STARD13: variants seen among roughly 807,000 people sequenced by gnomAD.
STARD13 encodes the protein StAR related lipid transfer domain containing 13.
A neutral mutation model predicts 106.4 loss-of-function variants in STARD13; 62 were observed. That is an observed-to-expected ratio of 0.58 (90% CI 0.48 to 0.72). STARD13 has a LOEUF of 0.72. Among genes scored for constraint, STARD13 ranks in the 30% least tolerant of loss-of-function variants. The pLI, the probability that STARD13 is intolerant of heterozygous loss-of-function variation, is 0.00. For synonymous variants in STARD13, 565 were observed against 553.0 expected, an observed-to-expected ratio of 1.02 and a Z score of -0.31; for missense variants, 1,387 against 1,424.0, an observed-to-expected ratio of 0.97 and a Z score of 0.42.
intron 1 of STARD13, chr13:33,180,642 C>T (rs768211302): frequency 2.6e-5 from 4 of 152,148 alleles, no homozygotes; most frequent in South Asian, 2.1e-4. Flanking sequence ...TCTCCCAGGT[C>T]GGCTTCCTAA....
intron 1 of STARD13, among the ~76,000 whole-genome samples, chr13:33,306,390 G>T (rs752543618): frequency 6.6e-5 from 10 of 152,042 alleles, no homozygotes; most frequent in Non-Finnish European, 1.2e-4. Flanking sequence ...GAAAATCTAG[G>T]CAATAACATT....
At chr13:33,186,860 C>G (rs1354222644) in intron 1 of STARD13, among the ~76,000 whole-genome samples, 1 of 152,150 alleles carries the variant, frequency 6.6e-6, no homozygotes, top group Non-Finnish European at 1.5e-5. Context: ...AATCCAGACA[C>G]CACCAAACTA....
At chr13:33,557,008 A>T in the STARD13 span, among the ~76,000 whole-genome samples, 2 of 152,188 alleles carry the variant, frequency 1.3e-5, no homozygotes, top group Non-Finnish European at 2.9e-5. Context: ...AGTTTGAAAA[A>T]AGCAGATTCA....
At chr13:33,411,157 T>G in the STARD13 span, among the ~76,000 whole-genome samples, 1 of 152,090 alleles carries the variant, frequency 6.6e-6, no homozygotes, top group Non-Finnish European at 1.5e-5. Flanking sequence ...TATTTCATTA[T>G]ACATAACTTA....
intron 1 of STARD13, among the ~76,000 whole-genome samples, chr13:33,198,492 C>G (rs774141693): frequency 1.3e-5 from 2 of 152,070 alleles, no homozygotes; most frequent in African/African-American, 2.4e-5. Context: ...CTCCAAGAGG[C>G]CTTCCTTAAT....
chr13:33,129,359 C>G lies in STARD13; in HGVS notation c.1318G>C (p.Gly440Arg), dbSNP rs767895675. The G allele has an allele frequency of 1.9e-6, 3 of 1,614,180 alleles. No homozygotes were observed. Among genetic ancestry groups the G allele is most frequent in the South Asian group, 2.2e-5 (2 of 91,082 alleles). ...GCCATGAGCCGGGGCTCCCTGGCAC[C>G]AGGGACCTGCTCTCTGCCCAGGGAG... ...SISLGREQVP[G>R]AREPRLMASC... The change falls in exon 5 of 14, where the codon GGT (glycine) becomes CGT (arginine). Residue 440 changes from glycine (G) to arginine (R), a missense_variant. Physicochemically the swap from Gly to Arg is moderately radical, Grantham distance 125. Transcript: ENST00000336934.
At chr13:33,273,371 T>C (rs1891255172) in intron 1 of STARD13, among the ~76,000 whole-genome samples, 1 of 152,196 alleles carries the variant, frequency 6.6e-6, no homozygotes, top group Non-Finnish European at 1.5e-5. Context: ...AAACAAGGTT[T>C]TTGCAAGGCT....
chr13:33,261,891 T>A (rs956302892), intron 1 of STARD13, among the ~76,000 whole-genome samples: 1 of 152,126 alleles, frequency 6.6e-6, no homozygotes, highest in Non-Finnish European at 1.5e-5. Context: ...GTTGCTTGGG[T>A]TCGGAAGGCA....
chr13:33,353,927 G>A (rs776749194), upstream of STARD13, among the ~76,000 whole-genome samples: 1 of 152,188 alleles, frequency 6.6e-6, no homozygotes, highest in Middle Eastern at 3.2e-3. Context: ...GCCTAAAACA[G>A]TCCCAGACAG....
At chr13:33,270,192 C>T (rs556975880) in intron 1 of STARD13, among the ~76,000 whole-genome samples, 14 of 152,218 alleles carry the variant, frequency 9.2e-5, no homozygotes, top group East Asian at 5.8e-4. Context: ...GCTGAGATCA[C>T]GCCATTGCAC....
At chr13:33,480,135 A>G in the STARD13 span, among the ~76,000 whole-genome samples, 1 of 152,214 alleles carries the variant, frequency 6.6e-6, no homozygotes, top group Non-Finnish European at 1.5e-5. Flanking sequence ...TATAACACAC[A>G]TATGCTATAT....
At chr13:33,532,019 T>G in the STARD13 span, among the ~76,000 whole-genome samples, 40 of 152,192 alleles carry the variant, frequency 2.6e-4, 1 homozygote, top group African/African-American at 9.7e-4. Flanking sequence ...GATTATATAC[T>G]ATTTTCTCTT....
chr13:33,129,959 G>C lies in STARD13; in HGVS notation c.718C>G (p.Leu240Val). Residue 240 changes from leucine to valine, a missense_variant, in exon 5 of 14, where the codon CTC becomes GTC. Physicochemically the swap from Leu to Val is conservative, Grantham distance 32. Coordinates refer to ENST00000336934, the MANE Select transcript of STARD13 (RefSeq NM_178006.4). Reference sequence around the variant, plus strand: ...TTCTTGGGGTGGAAGGGGTGGTTGAGGACATCTCTGGGGGGCTGTGGGAGG... The same window carrying C: ...TTCTTGGGGTGGAAGGGGTGGTTGACGACATCTCTGGGGGGCTGTGGGAGG... ...SSLPQPPRDV[L>V]NHPFHPKNEK... 6.2e-7 allele frequency: 1 copy of C among 1,613,452 alleles called. No homozygotes were observed. The highest frequency in any genetic ancestry group is 1.3e-5 in the African/African-American group (1 of 75,038).
intron 3 of STARD13, among the ~76,000 whole-genome samples, chr13:33,154,194 G>C (rs1259354235): frequency 1.3e-5 from 2 of 152,194 alleles, no homozygotes; most frequent in African/African-American, 4.8e-5. Flanking sequence ...GCAGGAAAAA[G>C]AAAGAGGACA....
At chr13:33,282,477 G>A (rs6561820) in intron 1 of STARD13, among the ~76,000 whole-genome samples, 2,835 of 152,006 alleles carry the variant, frequency 0.019, 68 homozygotes, top group African/African-American at 0.061. Context: ...TCATGTGCAC[G>A]CCATTCAATG....
chr13:33,236,670 C>G (rs1173829176), intron 1 of STARD13, among the ~76,000 whole-genome samples: 1 of 152,158 alleles, frequency 6.6e-6, no homozygotes, highest in East Asian at 1.9e-4. Context: ...TCCTTATTAT[C>G]TTGAGTCCTC....
intron 1 of STARD13, among the ~76,000 whole-genome samples, chr13:33,193,469 C>A (rs978374017): frequency 1.3e-5 from 2 of 152,208 alleles, no homozygotes; most frequent in Non-Finnish European, 2.9e-5. Flanking sequence ...AGACAGAACA[C>A]AACTCGAGGC....
the STARD13 span, among the ~76,000 whole-genome samples, chr13:33,542,620 C>T: frequency 5.3e-5 from 8 of 152,356 alleles, no homozygotes; most frequent in East Asian, 1.5e-3. Context: ...GCTGGCGCCG[C>T]CCCGGGTTTC....
At chr13:33,205,867 CCT>C (rs1332341271) in intron 1 of STARD13, 1 of 985,288 alleles carries the variant, frequency 1.0e-6, no homozygotes, top group African/African-American at 1.7e-5. Context: ...AAACAAAACC[CCT>C]CTCTTCTTCA....
Sources: allele counts gnomAD v4.1 joint callset (sites outside exome capture counted in the v4.1 genomes callset), GRCh38; gene constraint gnomAD v4.1.1; transcripts MANE v1.5; gene names NCBI Gene and HGNC (gene_info 2026-07-23, HGNC 2026-07-21).